Variants in MTFP1 observed in about 807,000 individuals in gnomAD.
MTFP1 encodes the protein mitochondrial fission process 1.
A neutral mutation model predicts 17.1 loss-of-function variants in MTFP1; 19 were observed. That is an observed-to-expected ratio of 1.11 (90% CI 0.77 to 1.63). The LOEUF is 1.63. Among genes scored for constraint, MTFP1 ranks in the 40% most tolerant of loss-of-function variants. MTFP1 has a pLI of 0.00. For missense variants in MTFP1, 221 were observed against 226.2 expected (o/e 0.98, Z 0.15); for synonymous variants, 89 against 95.2 (o/e 0.93, Z 0.38).
At chr22:30,428,399 C>T (rs1206025252) in intron 3 of MTFP1, 63 bp from the exon 4 acceptor site, 6 of 1,463,488 alleles carry the variant, frequency 4.1e-6, no homozygotes. Flanking sequence ...CCCTGGCCTT[C>T]TGCCTTCTGT....
chr22:30,426,457 C>A (rs1934670344), intron 1 of MTFP1, among the ~76,000 whole-genome samples: 1 of 152,142 alleles, frequency 6.6e-6, no homozygotes, highest in Non-Finnish European at 1.5e-5. Flanking sequence ...AGTGCAGTTA[C>A]TCCTGGGACC....
At chr22:30,427,857 C>T (rs1443465986) in intron 3 of MTFP1, among the ~76,000 whole-genome samples, 1 of 152,186 alleles carries the variant, frequency 6.6e-6, no homozygotes, top group East Asian at 1.9e-4. Flanking sequence ...CATTAGGGGT[C>T]TGGGTCTCCC....
chr22:30,426,797 T>A lies in MTFP1; in HGVS notation c.148T>A (p.Ser50Thr). 6.2e-7 allele frequency: 1 copy of A among 1,613,632 alleles called. No individual in the cohort carries two copies. Among genetic ancestry groups the A allele is most frequent in the Middle Eastern group, 1.6e-4 (1 of 6,062 alleles). The change falls in exon 2 of 4, where the codon TCC becomes ACC. Residue 50 changes from serine (S) to threonine (T), a missense_variant. By Grantham distance (58) the Ser-to-Thr change is moderately conservative (BLOSUM62 1). Coordinates refer to ENST00000266263, the MANE Select transcript of MTFP1 (RefSeq NM_016498.5). ...VVWLSYGVAS[S>T]YVLADAIDKG... ...GTGGCTGAGCTATGGCGTGGCCAGCTCCTACGTGCTGGCGGATGCCATTGA... is the reference window on the plus strand; with the variant it reads ...GTGGCTGAGCTATGGCGTGGCCAGCACCTACGTGCTGGCGGATGCCATTGA...
Position 30,428,798 on chromosome 22 carries a change from C to G in MTFP1, c.*264C>G. On this transcript the variant is annotated 3_prime_UTR_variant, in exon 4 of 4. Coordinates refer to ENST00000266263, the MANE Select transcript of MTFP1 (RefSeq NM_016498.5). Reference sequence around the variant, plus strand: ...GGACCCTGGGTGGGCCCGGCCCTGTCTTTTTCAGGAAAATTACATCCTCCC... The same window carrying G: ...GGACCCTGGGTGGGCCCGGCCCTGTGTTTTTCAGGAAAATTACATCCTCCC... The G allele has an allele frequency of 1.2e-6, 1 of 860,972 alleles. No homozygotes were observed. The highest frequency in any genetic ancestry group is 1.8e-6 in the Non-Finnish European group (1 of 547,722). The allele number at this position is 860,972 out of a possible 1,614,324, so 53.3% of individuals were successfully genotyped here.
At position 30,428,577 on chromosome 22, in the gene MTFP1, T is replaced by C; in HGVS notation, c.*43T>C. The C allele has an allele frequency of 1.2e-6, 2 of 1,614,184 alleles. No homozygotes were observed. Among genetic ancestry groups the C allele is most frequent in the South Asian group, 1.1e-5 (1 of 91,082 alleles). ...GCCTGTGCATCGGCCTCCTGCTTCA[T>C]GTCAACCTCCTACTCCTGCCAGGGA... On this transcript the variant is annotated 3_prime_UTR_variant, in exon 4 of 4. Coordinates refer to ENST00000266263, the MANE Select transcript of MTFP1 (RefSeq NM_016498.5).
Position 30,425,815 on chromosome 22 carries a change from C to A in MTFP1, c.-65C>A. Reference sequence around the variant, plus strand: ...GGTCCCGGCCGGGCAGACCCAAGTGCCGGCGGCGGAGACTGCAGTGGAGCC... The same window carrying A: ...GGTCCCGGCCGGGCAGACCCAAGTGACGGCGGCGGAGACTGCAGTGGAGCC... On this transcript the variant is annotated 5_prime_UTR_variant, in exon 1 of 4. Transcript: ENST00000266263. The A allele has an allele frequency of 1.4e-6, 2 of 1,463,728 alleles. No individual in the cohort carries two copies. Among genetic ancestry groups the A allele is most frequent in the Non-Finnish European group, 1.8e-6 (2 of 1,101,240 alleles). 90.7% of individuals were successfully genotyped at this position (1,463,728 alleles called of 1,614,324 possible). A position where few individuals can be genotyped will look rare whatever the true frequency, so the allele number is the denominator to read the frequency against.
In MTFP1 at chr22:30,426,784, T is replaced by A; in HGVS notation, c.135T>A (p.Tyr45Ter). ...CAGCGGCGGTGGTGTGGCTGAGCTATGGCGTGGCCAGCTCCTACGTGCTGG... is the reference window on the plus strand; with the variant it reads ...CAGCGGCGGTGGTGTGGCTGAGCTAAGGCGTGGCCAGCTCCTACGTGCTGG... ...LVPAAVVWLS[Y>*]GVASSYVLAD... is the part of the protein sequence containing the mutation. The change falls in exon 2 of 4, where the codon TAT (tyrosine) becomes TAA (stop). Residue 45 changes from tyrosine to a stop codon, truncating the protein, a stop_gained. Coordinates refer to ENST00000266263, the MANE Select transcript of MTFP1 (RefSeq NM_016498.5). LOFTEE classifies it high-confidence loss of function. 1.2e-6 allele frequency: 2 copies of A among 1,613,964 alleles called. No homozygotes were observed. Among genetic ancestry groups the A allele is most frequent in the Non-Finnish European group, 1.7e-6 (2 of 1,179,988 alleles).
intron 3 of MTFP1, 83 bp from the exon 4 acceptor site, chr22:30,428,379 C>T: frequency 4.0e-6 from 5 of 1,257,922 alleles, no homozygotes; most frequent in Non-Finnish European, 5.7e-6. Flanking sequence ...CTAAGCGCCC[C>T]TTTCCCTAAC....
rs970782758 is a variant in MTFP1 at position 30,426,907 on chromosome 22, A to G, written c.195+63A>G. ...TCTCTTCTTGTGTGGTTCAGTCCAC[A>G]GCCTTGCATGTGATAAAGTCCCTGT... On this transcript the variant is annotated intron_variant, in intron 2 of 3. Transcript: ENST00000266263. The G allele has an allele frequency of 1.9e-6, 3 of 1,595,414 alleles. No homozygotes were observed. The Admixed American group carries it at 5.0e-5, about 27-fold the overall frequency.
chr22:30,425,794 C>T lies in MTFP1; in HGVS notation c.-86C>T. On this transcript the variant is annotated 5_prime_UTR_variant, in exon 1 of 4. Coordinates refer to ENST00000266263, the MANE Select transcript of MTFP1 (RefSeq NM_016498.5). ...TTCGGCGCGGGACTTTCGGCGGGTC[C>T]CGGCCGGGCAGACCCAAGTGCCGGC... 1 of 1,369,660 alleles carries T rather than the reference C, an allele frequency of 7.3e-7. No homozygotes were observed. Among genetic ancestry groups the T allele is most frequent in the Non-Finnish European group, 9.6e-7 (1 of 1,037,570 alleles). 84.8% of individuals were successfully genotyped at this position (1,369,660 alleles called of 1,614,324 possible).
At chr22:30,427,118 G>T in intron 2 of MTFP1, 53 bp from the exon 3 acceptor site, 2 of 1,589,798 alleles carry the variant, frequency 1.3e-6, no homozygotes, top group Non-Finnish European at 1.7e-6. Context: ...GCCCCTTGTC[G>T]CAGGATTTTC....
rs1374659611 is a variant in MTFP1 at position 30,427,299 on chromosome 22, C to G, written c.324C>G (p.Leu108=). Residue 108 remains leucine, a synonymous_variant, in exon 3 of 4, where the codon CTC becomes CTG. Transcript: ENST00000266263. ...TCAACCGCGTGTGTGCTGCCTCTCT[C>G]TATGTCCTGGGCACTGCCACCCGCT... ...FTINRVCAAS[L]YVLGTATRWP... The G allele has an allele frequency of 6.2e-7, 1 of 1,614,122 alleles. No homozygotes were observed. The highest frequency in any genetic ancestry group is 1.7e-5 in the Admixed American group (1 of 60,034).
chr22:30,428,321 A>T (rs1288141657), intron 3 of MTFP1, 141 bp from the exon 4 acceptor site: 4 of 671,030 alleles, frequency 6.0e-6, no homozygotes, highest in Non-Finnish European at 1.0e-5. Flanking sequence ...AGGTGGAAGG[A>T]TCAGGATAAG....
intron 1 of MTFP1, 130 bp downstream of exon 1, chr22:30,426,076 A>G: frequency 1.1e-6 from 1 of 949,428 alleles, no homozygotes; most frequent in Non-Finnish European, 1.5e-6. Flanking sequence ...TGGGCCGGAG[A>G]CTGGGCTCAG....
chr22:30,427,054 C>A, intron 2 of MTFP1, 117 bp from the exon 3 acceptor site: 1 of 1,374,742 alleles, frequency 7.3e-7, no homozygotes, highest in Non-Finnish European at 1.0e-6. Flanking sequence ...CTGTACCCCA[C>A]TCCTGGGTGC....
chr22:30,427,549 C>T, intron 3 of MTFP1, 146 bp downstream of exon 3: 7 of 858,722 alleles, frequency 8.2e-6, no homozygotes, highest in Non-Finnish European at 1.3e-5. Context: ...GCACTTGGCT[C>T]CTGGGTTAGA....
In MTFP1 at chr22:30,428,647, G is replaced by C; in HGVS notation, c.*113G>C. The C allele has an allele frequency of 1.2e-6, 2 of 1,614,120 alleles. No individual in the cohort carries two copies. The highest frequency in any genetic ancestry group is 8.5e-7 in the Non-Finnish European group (1 of 1,180,026). On this transcript the variant is annotated 3_prime_UTR_variant, in exon 4 of 4. Transcript: ENST00000266263. ...TGGTGTCCAAAGACCCTGGCACCTG[G>C]GTGGGTTTGAGCTGGACAGAAGCTT... is the stretch of plus-strand genomic sequence containing the variant.
At position 30,425,914 on chromosome 22, in the gene MTFP1, A is replaced by T; in HGVS notation, c.35A>T (p.Asp12Val). ...CCGCAGCCGCGGGGCGCAGAGCGCG[A>T]TCTCTACCGGGACACGTGGGTGCGA... is the stretch of plus-strand genomic sequence containing the variant. ...SEPQPRGAERDLYRDTWVRYL... is the reference protein window; with the variant it reads ...SEPQPRGAERVLYRDTWVRYL... Residue 12 changes from aspartate to valine, a missense_variant, in exon 1 of 4, where the codon GAT becomes GTT. Transcript: ENST00000266263. The T allele has an allele frequency of 6.5e-7, 1 of 1,534,426 alleles. No individual in the cohort carries two copies. The highest frequency in any genetic ancestry group is 8.8e-7 in the Non-Finnish European group (1 of 1,141,074).
At position 30,428,947 on chromosome 22, in the gene MTFP1, G is replaced by A. The variant is rs979974639; in HGVS notation, c.*413G>A. On this transcript the variant is annotated 3_prime_UTR_variant, in exon 4 of 4. Transcript: ENST00000266263. Reference sequence around the variant, plus strand: ...ACCCCATGGTGGTATGGCTGAACAAGGAGCGGCAGACAACTCAGGGAGAAA... The same window carrying A: ...ACCCCATGGTGGTATGGCTGAACAAAGAGCGGCAGACAACTCAGGGAGAAA... 2.1e-6 allele frequency: 1 copy of A among 477,112 alleles called. No homozygotes were observed. Among genetic ancestry groups the A allele is most frequent in the Non-Finnish European group, 3.8e-6 (1 of 260,210 alleles). 29.6% of individuals were successfully genotyped at this position (477,112 alleles called of 1,614,324 possible).
Sources: allele counts gnomAD v4.1 joint callset (sites outside exome capture counted in the v4.1 genomes callset), GRCh38; gene constraint gnomAD v4.1.1; transcripts MANE v1.5; gene names NCBI Gene and HGNC (gene_info 2026-07-23, HGNC 2026-07-21).